The following WWP1 variants were observed in gnomAD, a reference collection of about 807,000 sequenced individuals.
WWP1 encodes the protein NEDD4-like E3 ubiquitin-protein ligase WWP1.
WWP1 carries 49 observed loss-of-function variants against 130.6 expected under a neutral mutation model. The ratio of observed to expected loss-of-function variants is 0.38; its 90% CI spans 0.30 to 0.48. The LOEUF (loss-of-function observed/expected upper bound fraction) is 0.48. Among genes scored for constraint, WWP1 ranks in the 20% least tolerant of loss-of-function variants. WWP1 has a pLI of 0.99. For synonymous variants in WWP1, 332 were observed against 367.8 expected, an observed-to-expected ratio of 0.90 and a Z score of 1.11; for missense variants, 809 against 1,100.6, an observed-to-expected ratio of 0.74 and a Z score of 3.75.
At chr8:86,447,267 T>TA (rs1810934099) in intron 18 of WWP1, among the ~76,000 whole-genome samples, 1 of 152,066 alleles carries the variant, frequency 6.6e-6, no homozygotes, top group Non-Finnish European at 1.5e-5. Context: ...TGAAGGGAGT[T>TA]ATTTTATTTT....
intron 8 of WWP1, among the ~76,000 whole-genome samples, chr8:86,408,137 T>C (rs1808384179): frequency 6.6e-6 from 1 of 152,164 alleles, no homozygotes; most frequent in African/African-American, 2.4e-5. Flanking sequence ...ATAGTTGGAG[T>C]CCTACAGTGT....
chr8:86,466,752 A>C (rs766984847), intron 24 of WWP1, 42 bp from the exon 25 acceptor site: 1 of 1,351,968 alleles, frequency 7.4e-7, no homozygotes, highest in Non-Finnish European at 1.0e-6. Flanking sequence ...GATTTTTTTC[A>C]TTTTATTGAA....
At chr8:86,380,994 T>G in intron 4 of WWP1, 130 bp downstream of exon 4, 2 of 1,201,638 alleles carry the variant, frequency 1.7e-6, no homozygotes, top group South Asian at 2.5e-5. Flanking sequence ...CAATTTAAAG[T>G]ATGGAGAAAT....
chr8:86,457,409 ATCTGTCTG>A (rs72068320), intron 21 of WWP1, among the ~76,000 whole-genome samples: 30 of 150,394 alleles, frequency 2.0e-4, no homozygotes, highest in African/African-American at 5.6e-4. Context: ...GGGGAGATCT[ATCTGTCTG>A]TCTGTCTGTC....
At chr8:86,461,410 A>G (rs547195915) in intron 23 of WWP1, 90 bp downstream of exon 23, 3 of 1,134,958 alleles carry the variant, frequency 2.6e-6, no homozygotes, top group Middle Eastern at 2.0e-4. Flanking sequence ...GAACCTAAAG[A>G]TTACTCTTCT....
At chr8:86,403,756 A>T (rs1309228190) in intron 8 of WWP1, among the ~76,000 whole-genome samples, 2 of 151,828 alleles carry the variant, frequency 1.3e-5, no homozygotes, top group African/African-American at 2.4e-5. Context: ...AAAAAAAAAG[A>T]AGTAGACTAA....
At chr8:86,408,772 T>G (rs1209384847) in intron 8 of WWP1, among the ~76,000 whole-genome samples, 1 of 152,062 alleles carries the variant, frequency 6.6e-6, no homozygotes, top group Non-Finnish European at 1.5e-5. Flanking sequence ...TAGCCGGGTG[T>G]GGTGACGCAT....
intron 9 of WWP1, among the ~76,000 whole-genome samples, chr8:86,425,014 G>A (rs905424758): frequency 5.3e-5 from 8 of 151,832 alleles, no homozygotes; most frequent in African/African-American, 1.4e-4. Flanking sequence ...AATAAAAAGG[G>A]AATAATTAAG....
intron 5 of WWP1, among the ~76,000 whole-genome samples, chr8:86,383,832 C>T (rs575051883): frequency 3.6e-4 from 55 of 152,230 alleles, no homozygotes; most frequent in African/African-American, 1.2e-3. Context: ...ATTTAATAAA[C>T]ACTCATACAG....
intron 14 of WWP1, among the ~76,000 whole-genome samples, chr8:86,432,614 G>GT (rs1056378888): frequency 8.6e-4 from 120 of 139,932 alleles, no homozygotes; most frequent in Admixed American, 2.1e-3. Context: ...TCATTTTTTT[G>GT]TTTTTTTTTT....
Position 86,425,239 on chromosome 8 carries a change from G to C in WWP1, c.1078G>C (p.Asp360His). The C allele has an allele frequency of 6.2e-7, 1 of 1,610,766 alleles. No individual in the cohort carries two copies. Among genetic ancestry groups the C allele is most frequent in the Non-Finnish European group, 8.5e-7 (1 of 1,178,874 alleles). Residue 360 changes from aspartate to histidine, a missense_variant, in exon 10 of 25, where the codon GAT (aspartate) becomes CAT (histidine). Physicochemically the swap from Asp to His is moderately conservative, Grantham distance 81. Transcript: ENST00000517970. The stretch of plus-strand genomic sequence containing the variant: ...TTATTAAAGGTGGGAACAAAGAAAA[G>C]ATCCTCATGGTAGAACCTATTATGT... ...TLPSGWEQRK[D>H]PHGRTYYVDH...
intron 21 of WWP1, among the ~76,000 whole-genome samples, chr8:86,455,513 AT>A (rs1431091154): frequency 1.3e-5 from 2 of 152,012 alleles, no homozygotes; most frequent in African/African-American, 4.8e-5. Context: ...AATCAATCGT[AT>A]TTTTATGTAT....
In WWP1 at chr8:86,380,747, G is replaced by GA. The variant is rs780614026; in HGVS notation, c.98dup (p.Asn34GlufsTer25). The GA allele has an allele frequency of 1.2e-6, 2 of 1,608,286 alleles. No individual in the cohort carries two copies. Among genetic ancestry groups the GA allele is most frequent in the African/African-American group, 1.3e-5 (1 of 74,548 alleles). ...TTAGTTTCTAGTGCCAAACTTAAAA[G>GA]AAAAAAGAACTGGTTCGGAACAGCA... On this transcript the variant is annotated frameshift_variant, in exon 4 of 25. Transcript: ENST00000517970. LOFTEE classifies it high-confidence loss of function.
chr8:86,368,737 G>T (rs533664596), intron 1 of WWP1, among the ~76,000 whole-genome samples: 3 of 152,250 alleles, frequency 2.0e-5, no homozygotes, highest in African/African-American at 7.2e-5. Context: ...TTCTCTGGAT[G>T]TGCCGTTCTT....
At chr8:86,390,929 G>A (rs1321683210) in intron 5 of WWP1, among the ~76,000 whole-genome samples, 1 of 151,938 alleles carries the variant, frequency 6.6e-6, no homozygotes, top group South Asian at 2.1e-4. Context: ...ATATTTCATG[G>A]TTTTTCATCT....
intron 22 of WWP1, among the ~76,000 whole-genome samples, chr8:86,458,327 T>C (rs1811569906): frequency 6.6e-6 from 1 of 151,664 alleles, no homozygotes; most frequent in South Asian, 2.1e-4. Flanking sequence ...TAAATTCCAC[T>C]TAATTCTAGA....
chr8:86,442,979 T>C (rs1257156836), intron 18 of WWP1, among the ~76,000 whole-genome samples: 2 of 152,218 alleles, frequency 1.3e-5, no homozygotes, highest in African/African-American at 4.8e-5. Flanking sequence ...ATTATGTTTA[T>C]ACAGCCACTT....
intron 3 of WWP1, among the ~76,000 whole-genome samples, chr8:86,379,074 C>T (rs559496750): frequency 1.3e-3 from 199 of 152,330 alleles, no homozygotes; most frequent in African/African-American, 4.6e-3. Flanking sequence ...CATATACTGA[C>T]TTTTCCTTCT....
chr8:86,435,848 T>C (rs1198772603), intron 16 of WWP1, 144 bp downstream of exon 16: 2 of 709,392 alleles, frequency 2.8e-6, no homozygotes, highest in Non-Finnish European at 4.6e-6. Context: ...GTTGAGTGCC[T>C]TTGTTTTGTT....
Sources: gnomAD v4.1 joint callset for allele counts (sites outside exome capture counted in the v4.1 genomes callset) on GRCh38, gnomAD v4.1.1 for gene constraint, MANE v1.5 for transcripts, NCBI Gene and HGNC (gene_info 2026-07-23, HGNC 2026-07-21) for gene names.